ZNF804A: variants seen among roughly 807,000 people sequenced by gnomAD.
The protein encoded by ZNF804A is zinc finger protein 804A.
Under a neutral mutation model 16.5 loss-of-function variants are expected in ZNF804A, and 2 were observed. The observed-to-expected ratio is 0.12, with a 90% CI of 0.05 to 0.38. The LOEUF (loss-of-function observed/expected upper bound fraction) is 0.38, where lower values mean the gene tolerates loss of function less well. Among genes scored for constraint, ZNF804A ranks in the 10% least tolerant of loss-of-function variants. The probability of loss-of-function intolerance (pLI) is 0.99; values close to 1 mark genes in which losing one functional copy is unlikely to be tolerated. For missense variants in ZNF804A, 1,473 were observed against 1,390.7 expected (o/e 1.06, Z -0.94); for synonymous variants, 534 against 489.6 (o/e 1.09, Z -1.20).
intron 1 of ZNF804A, among the ~76,000 whole-genome samples, chr2:184,607,844 A>C (rs1464318853): frequency 6.6e-6 from 1 of 151,690 alleles, no homozygotes; most frequent in Non-Finnish European, 1.5e-5. Context: ...AGCCAGAAAT[A>C]CCAGGACACA....
At chr2:184,878,676 G>C (rs1469552844) in intron 2 of ZNF804A, among the ~76,000 whole-genome samples, 1 of 151,916 alleles carries the variant, frequency 6.6e-6, no homozygotes. Flanking sequence ...CTCAGTGGAG[G>C]ATGGCTCAGG....
intron 1 of ZNF804A, among the ~76,000 whole-genome samples, chr2:184,694,774 A>T (rs1029369362): frequency 3.9e-5 from 6 of 152,242 alleles, no homozygotes; most frequent in Non-Finnish European, 4.4e-5. Flanking sequence ...AATTCAGATT[A>T]ATCTCAGAGT....
intron 1 of ZNF804A, among the ~76,000 whole-genome samples, chr2:184,628,973 T>C (rs1691556740): frequency 6.6e-6 from 1 of 152,196 alleles, no homozygotes; most frequent in Non-Finnish European, 1.5e-5. Flanking sequence ...GTTAGGATTA[T>C]AATTTTTCCT....
intron 1 of ZNF804A, among the ~76,000 whole-genome samples, chr2:184,648,336 TA>T (rs1197207431): frequency 6.6e-6 from 1 of 152,044 alleles, no homozygotes; most frequent in Non-Finnish European, 1.5e-5. Flanking sequence ...ACAGGTCATA[TA>T]AAACAATCAC....
intron 1 of ZNF804A, among the ~76,000 whole-genome samples, chr2:184,742,941 G>A (rs774541734): frequency 6.6e-6 from 1 of 151,808 alleles, no homozygotes; most frequent in Non-Finnish European, 1.5e-5. Flanking sequence ...ACAGTTTCAG[G>A]CTCATGGAGT....
At chr2:184,903,009 T>A (rs1685211373) in intron 2 of ZNF804A, among the ~76,000 whole-genome samples, 1 of 152,174 alleles carries the variant, frequency 6.6e-6, no homozygotes, top group Admixed American at 6.5e-5. Flanking sequence ...TAGAAAAAAA[T>A]TCTGAGACAA....
chr2:184,861,609 C>A (rs928513663), intron 1 of ZNF804A, among the ~76,000 whole-genome samples: 3 of 152,156 alleles, frequency 2.0e-5, no homozygotes, highest in Non-Finnish European at 2.9e-5. Flanking sequence ...GGTACAAATT[C>A]TTTCCCTCAG....
intron 1 of ZNF804A, among the ~76,000 whole-genome samples, chr2:184,806,556 T>C (rs1263233993): frequency 6.6e-6 from 1 of 151,828 alleles, no homozygotes; most frequent in East Asian, 1.9e-4. Context: ...GATAAAATAA[T>C]AGGACAAATT....
intron 1 of ZNF804A, among the ~76,000 whole-genome samples, chr2:184,612,644 A>G (rs1289226800): frequency 1.3e-5 from 2 of 152,132 alleles, no homozygotes; most frequent in Non-Finnish European, 2.9e-5. Flanking sequence ...TATGTTGGTC[A>G]GGCTGATCTT....
chr2:184,831,586 G>A (rs1670253971), intron 1 of ZNF804A, among the ~76,000 whole-genome samples: 1 of 152,020 alleles, frequency 6.6e-6, no homozygotes, highest in African/African-American at 2.4e-5. Context: ...CCCAGCCCAT[G>A]TTAATGAATC....
rs536501307 is a variant in ZNF804A at position 184,817,720 on chromosome 2, C to T, written c.112-48649C>T. Among the ~76,000 whole-genome samples, 78 of 152,062 alleles carry T rather than the reference C, an allele frequency of 5.1e-4. 1 individual carries two copies. The highest frequency in any genetic ancestry group is 7.7e-4 in the Non-Finnish European group (52 of 67,910). ...GTTTAGAGAGGAGCATAACTGACCT[C>T]ATGGAGCTGAAAAACACAACACAAG... On this transcript the variant is annotated intron_variant, in intron 1 of 3. Transcript: ENST00000302277.
Position 184,934,603 on chromosome 2 carries a change from C to G in ZNF804A, c.386+870C>G, listed in dbSNP as rs139073982. 9.2e-5 allele frequency among the ~76,000 whole-genome samples: 14 copies of G among 152,118 alleles called. No homozygotes were observed. In the South Asian group the frequency reaches 2.9e-3, roughly 32 times the overall value. Reference sequence around the variant, plus strand: ...CAGTTACACTAATCAGATATGTTTACTTTTTGTGGTAATGAATAAAAAATT... The same window carrying G: ...CAGTTACACTAATCAGATATGTTTAGTTTTTGTGGTAATGAATAAAAAATT... On this transcript the variant is annotated intron_variant, in intron 3 of 3. Coordinates refer to ENST00000302277, the MANE Select transcript of ZNF804A (RefSeq NM_194250.2).
At chr2:184,722,021 G>A (rs907176019) in intron 1 of ZNF804A, among the ~76,000 whole-genome samples, 2 of 151,954 alleles carry the variant, frequency 1.3e-5, no homozygotes, top group African/African-American at 4.8e-5. Context: ...TCATACGTGG[G>A]AGCTAAAAGA....
At chr2:184,674,326 A>G (rs1163200809) in intron 1 of ZNF804A, among the ~76,000 whole-genome samples, 2 of 152,032 alleles carry the variant, frequency 1.3e-5, no homozygotes, top group Non-Finnish European at 2.9e-5. Flanking sequence ...CTTAAAGCAT[A>G]AGAGAATAAA....
chr2:184,710,666 A>G (rs926796482), intron 1 of ZNF804A, among the ~76,000 whole-genome samples: 3 of 151,276 alleles, frequency 2.0e-5, no homozygotes, highest in Non-Finnish European at 4.4e-5. Flanking sequence ...AGAACTCCTT[A>G]TTTTTTTCTC....
chr2:184,781,430 A>G (rs1424327813), intron 1 of ZNF804A, among the ~76,000 whole-genome samples: 2 of 151,828 alleles, frequency 1.3e-5, no homozygotes, highest in African/African-American at 2.4e-5. Flanking sequence ...ACAAAATCAC[A>G]ATCTTTAAAA....
rs1685741033 is a variant in ZNF804A, at chr2:184,933,703, A to G, written c.356A>G (p.Lys119Arg). ...GAAAAGGCACTCCAACGCCTGCACA[A>G]GCTGGCTGAGCTAAGAAAGGAAACT... ...KQEKALQRLH[K>R]LAELRKETVC... Residue 119 changes from lysine (K) to arginine (R), a missense_variant, in exon 3 of 4, where the codon AAG becomes AGG. Physicochemically the swap from Lys to Arg is conservative, Grantham distance 26. Coordinates refer to ENST00000302277, the MANE Select transcript of ZNF804A (RefSeq NM_194250.2). 6.2e-7 allele frequency: 1 copy of G among 1,605,212 alleles called. No individual in the cohort carries two copies. The highest frequency in any genetic ancestry group is 1.3e-5 in the African/African-American group (1 of 74,080).
intron 1 of ZNF804A, among the ~76,000 whole-genome samples, chr2:184,757,020 TAAACATTCCAC>T (rs1693969485): frequency 6.6e-6 from 1 of 152,030 alleles, no homozygotes; most frequent in Admixed American, 6.6e-5. Context: ...ACGTCTGGTT[TAAACATTCCAC>T]AAGTCTCAAG....
chr2:184,775,726 C>T (rs1490035182), intron 1 of ZNF804A, among the ~76,000 whole-genome samples: 4 of 151,524 alleles, frequency 2.6e-5, no homozygotes, highest in Non-Finnish European at 5.9e-5. Flanking sequence ...ATCTGTAATG[C>T]CATGGCAAAG....
Sources: allele counts gnomAD v4.1 joint callset (sites outside exome capture counted in the v4.1 genomes callset), GRCh38; gene constraint gnomAD v4.1.1; transcripts MANE v1.5; gene names NCBI Gene and HGNC (gene_info 2026-07-23, HGNC 2026-07-21).